The following NDUFA10 variants were observed in gnomAD, a reference collection of about 807,000 sequenced individuals.
NDUFA10 encodes the protein NADH dehydrogenase [ubiquinone] 1 alpha subcomplex subunit 10, mitochondrial.
NDUFA10 carries 40 observed loss-of-function variants against 47.8 expected under a neutral mutation model. The ratio of observed to expected loss-of-function variants is 0.84; its 90% confidence interval spans 0.65 to 1.09. NDUFA10 has a LOEUF of 1.09. NDUFA10 is among the 50% of genes least tolerant of loss of function. The probability of loss-of-function intolerance (pLI) is 0.00; values close to 1 mark genes in which losing one functional copy is unlikely to be tolerated. For missense variants in NDUFA10, 413 were observed against 451.1 expected (o/e 0.92, Z 0.76); for synonymous variants, 183 against 172.2 (o/e 1.06, Z -0.49).
At chr2:239,925,588 GAGA>G (rs1694052367) in intron 4 of NDUFA10, among the ~76,000 whole-genome samples, 1 of 152,204 alleles carries the variant, frequency 6.6e-6, no homozygotes, top group Non-Finnish European at 1.5e-5. Flanking sequence ...GAAAACAACA[GAGA>G]AGGTCATCTT....
exon 6 of NDUFA10, chr2:239,892,648 C>G (rs139211251): frequency 6.6e-6 from 1 of 152,274 alleles, no homozygotes; most frequent in Non-Finnish European, 1.5e-5. Flanking sequence ...GAATGCTGCT[C>G]TCGGTTTCAG....
At chr2:239,963,523 C>G (rs967779597) in intron 9 of NDUFA10, among the ~76,000 whole-genome samples, 1 of 152,204 alleles carries the variant, frequency 6.6e-6, no homozygotes, top group Non-Finnish European at 1.5e-5. Flanking sequence ...TGACGGGCAC[C>G]TGGGGCTGGC....
At chr2:239,956,056 G>C (rs928812967), downstream of NDUFA10, among the ~76,000 whole-genome samples, 1 of 152,134 alleles carries the variant, frequency 6.6e-6, no homozygotes, top group African/African-American at 2.4e-5. Flanking sequence ...TTCCAGGCAG[G>C]GACTGGGAGT....
intron 8 of NDUFA10, among the ~76,000 whole-genome samples, 169 bp downstream of exon 8, chr2:240,005,037 TTAAG>T (rs1213881802): frequency 6.6e-6 from 1 of 152,140 alleles, no homozygotes; most frequent in African/African-American, 2.4e-5. Context: ...ACTCAATAAA[TTAAG>T]TATCAGACCA....
chr2:239,925,665 A>G (rs1223152728), intron 4 of NDUFA10, among the ~76,000 whole-genome samples: 1 of 152,228 alleles, frequency 6.6e-6, no homozygotes, highest in East Asian at 1.9e-4. Context: ...CAATTAAAAA[A>G]TATACATAAA....
intron 3 of NDUFA10, among the ~76,000 whole-genome samples, chr2:240,020,496 C>T (rs1304616623): frequency 6.6e-6 from 1 of 152,218 alleles, no homozygotes; most frequent in Non-Finnish European, 1.5e-5. Flanking sequence ...AGAATGATTA[C>T]AGTAACCCGT....
At chr2:239,980,511 TG>T (rs1448869433) in intron 9 of NDUFA10, among the ~76,000 whole-genome samples, 3 of 152,166 alleles carry the variant, frequency 2.0e-5, no homozygotes, top group Non-Finnish European at 4.4e-5. Context: ...AAATACCTAT[TG>T]AGTATATAAA....
chr2:239,902,361 A>T (rs1693568717), intron 4 of NDUFA10, among the ~76,000 whole-genome samples: 1 of 152,066 alleles, frequency 6.6e-6, no homozygotes, highest in Non-Finnish European at 1.5e-5. Flanking sequence ...TCCAGCAGTG[A>T]AATGATTACA....
At chr2:239,946,642 T>C (rs531765226) in intron 4 of NDUFA10, among the ~76,000 whole-genome samples, 1 of 152,310 alleles carries the variant, frequency 6.6e-6, no homozygotes, top group Admixed American at 6.5e-5. Flanking sequence ...CATTAAAGCT[T>C]TGAGTTCAAC....
chr2:239,913,353 G>A (rs13018620), intron 4 of NDUFA10, among the ~76,000 whole-genome samples: 27,826 of 152,202 alleles, frequency 0.18, 2,931 homozygotes, highest in African/African-American at 0.28. Context: ...GTGCGGGCTC[G>A]TTGCTCGGCC....
intron 4 of NDUFA10, among the ~76,000 whole-genome samples, chr2:239,912,898 G>C (rs28529203): frequency 6.6e-6 from 1 of 152,040 alleles, no homozygotes; most frequent in African/African-American, 2.4e-5. Flanking sequence ...CTGATCTTCC[G>C]ATTCCCGAGT....
At chr2:239,923,746 GA>G (rs1245000085) in intron 4 of NDUFA10, among the ~76,000 whole-genome samples, 3 of 151,694 alleles carry the variant, frequency 2.0e-5, no homozygotes, top group African/African-American at 7.3e-5. Flanking sequence ...AAAAGAAAAA[GA>G]AAATTAAAAA....
chr2:239,998,334 C>A (rs1479118341), intron 8 of NDUFA10, among the ~76,000 whole-genome samples: 1 of 152,222 alleles, frequency 6.6e-6, no homozygotes, highest in East Asian at 1.9e-4. Context: ...TCTTACAAAA[C>A]CTCAGTCCTG....
chr2:239,958,321 C>G lies in NDUFA10; in HGVS notation c.*2797G>C, dbSNP rs530233436. ...GCATTGACATTTGCACTGCTAAGAA[C>G]AGCCAATCCAGAAAGCTATAATTGG... On this transcript the variant is annotated 3_prime_UTR_variant, in exon 10 of 10. Transcript: ENST00000252711. 1 of 152,232 alleles carries G rather than the reference C, an allele frequency of 6.6e-6. No homozygotes were observed. The highest frequency in any genetic ancestry group is 2.1e-4 in the South Asian group (1 of 4,838). The allele number at this position is 152,232 out of a possible 1,614,324, so 9.4% of individuals were successfully genotyped here. A position where few individuals can be genotyped will look rare whatever the true frequency, so the allele number is the denominator to read the frequency against.
chr2:239,901,624 C>A (rs546371691), intron 4 of NDUFA10, among the ~76,000 whole-genome samples: 1 of 151,960 alleles, frequency 6.6e-6, no homozygotes, highest in East Asian at 1.9e-4. Context: ...ATCTGACTTT[C>A]AAGTTTCATT....
intron 4 of NDUFA10, among the ~76,000 whole-genome samples, chr2:239,944,982 T>C (rs1008194216): frequency 6.6e-6 from 1 of 151,354 alleles, no homozygotes; most frequent in Admixed American, 6.6e-5. Flanking sequence ...GACACAGCCA[T>C]GGGGGTGACT....
chr2:239,922,239 G>C (rs1694002092), intron 4 of NDUFA10, among the ~76,000 whole-genome samples: 2 of 152,058 alleles, frequency 1.3e-5, no homozygotes, highest in African/African-American at 4.8e-5. Context: ...AGTTATCTTT[G>C]GGTGACTTGG....
intron 8 of NDUFA10, among the ~76,000 whole-genome samples, chr2:240,002,795 G>GT (rs113852520): frequency 0.018 from 2,743 of 152,084 alleles, 84 homozygotes; most frequent in African/African-American, 0.062. Context: ...AGAATGACTA[G>GT]TTTTTTTTAA....
At chr2:239,965,047 A>G (rs1695003669) in intron 9 of NDUFA10, among the ~76,000 whole-genome samples, 2 of 152,182 alleles carry the variant, frequency 1.3e-5, no homozygotes. Context: ...GTCTGTTCAC[A>G]GCAGTACTGA....
Sources: gnomAD v4.1 joint callset for allele counts (sites outside exome capture counted in the v4.1 genomes callset) on GRCh38, gnomAD v4.1.1 for gene constraint, MANE v1.5 for transcripts, NCBI Gene and HGNC (gene_info 2026-07-23, HGNC 2026-07-21) for gene names.